The following BBS9 variants were observed in gnomAD, a reference collection of about 807,000 sequenced individuals.
BBS9 encodes Bardet-Biedl syndrome 9.
BBS9 carries 89 observed loss-of-function variants against 117.7 expected under a neutral mutation model. The ratio of observed to expected loss-of-function variants is 0.76; its 90% confidence interval spans 0.64 to 0.90. The LOEUF is 0.90. Ranked by LOEUF, BBS9 falls within the 40% of genes least tolerant of loss-of-function variation. The pLI, the probability that BBS9 is intolerant of heterozygous loss-of-function variation, is 0.00. For synonymous variants in BBS9, 379 were observed against 370.9 expected (o/e 1.02, Z -0.25); for missense variants, 982 against 1,042.2 (o/e 0.94, Z 0.80).
chr7:33,550,278 AT>A (rs568186068), intron 21 of BBS9, among the ~76,000 whole-genome samples: 5 of 151,950 alleles, frequency 3.3e-5, no homozygotes, highest in African/African-American at 1.2e-4. Flanking sequence ...TTAAAGTTTT[AT>A]TTTTTTTGTA....
At chr7:33,155,617 A>G (rs1476540235) in intron 3 of BBS9, 21 bp from the exon 4 acceptor site, 1 of 1,573,010 alleles carries the variant, frequency 6.4e-7, no homozygotes, top group Admixed American at 1.7e-5. Context: ...GAAAACTTTA[A>G]AAACTTTCTC....
chr7:33,482,270 G>A (rs753909910), intron 19 of BBS9, among the ~76,000 whole-genome samples: 9 of 152,186 alleles, frequency 5.9e-5, no homozygotes, highest in Non-Finnish European at 1.2e-4. Context: ...GTGGCAGAGG[G>A]AGGGCCTTCC....
At chr7:33,235,245 TTA>T (rs1793258730) in intron 5 of BBS9, among the ~76,000 whole-genome samples, 1 of 152,162 alleles carries the variant, frequency 6.6e-6, no homozygotes, top group Non-Finnish European at 1.5e-5. Flanking sequence ...CTTTCTTTTT[TTA>T]TGACAGGATT....
rs140152204 is a variant in BBS9 at position 33,383,700 on chromosome 7, T to C, written c.1824T>C (p.Asp608=). The C allele has an allele frequency of 3.7e-6, 6 of 1,610,224 alleles. No individual in the cohort carries two copies. The highest frequency in any genetic ancestry group is 2.2e-5 in the South Asian group (2 of 90,476). The change falls in exon 18 of 23, where the codon GAT becomes GAC. Residue 608 remains aspartate, a synonymous_variant. Coordinates refer to ENST00000242067, the MANE Select transcript of BBS9 (RefSeq NM_198428.3). ...RYRIQSEQFE[D]LWLITNELIL... ...GCATTCAGAGTGAACAATTTGAAGA[T>C]CTTTGGCTCATAACCAATGAGCTTA...
rs180734259 is a variant in BBS9 at position 33,514,681 on chromosome 7, A to C, written c.2298+9036A>C. On this transcript the variant is annotated intron_variant, in intron 20 of 22. Transcript: ENST00000242067. ...CAATAAGATATGCAAATATATATCC[A>C]AATTATGTTGCTTACACAAAGTAAC... 6.7e-3 allele frequency among the ~76,000 whole-genome samples: 1,019 copies of C among 152,338 alleles called. 5 individuals carry two copies. Among genetic ancestry groups the C allele is most frequent in the Non-Finnish European group, 0.012 (801 of 68,030 alleles).
chr7:33,356,711 G>C (rs1333228395), intron 15 of BBS9, among the ~76,000 whole-genome samples: 2 of 151,778 alleles, frequency 1.3e-5, no homozygotes, highest in African/African-American at 4.8e-5. Context: ...GCTTGGATGT[G>C]GAGTAAGACA....
Position 33,383,754 on chromosome 7 carries a change from A to C in BBS9, c.1878A>C (p.Lys626Asn). The change falls in exon 18 of 23, where the codon AAA becomes AAC. Residue 626 changes from lysine to asparagine, a missense_variant. Lys to Asn is a moderately conservative substitution (Grantham distance 94, BLOSUM62 0). Transcript: ENST00000242067. ...TTCGCCTTCAAGAATATTTTGAAAA[A>C]CAGGGAGTCAAAGATTTTGCATGTT... Reference protein sequence around the residue: ...LILRLQEYFEKQGVKDFACSF... With the variant: ...LILRLQEYFENQGVKDFACSF... The C allele has an allele frequency of 6.2e-7, 1 of 1,612,714 alleles. No individual in the cohort carries two copies. Among genetic ancestry groups the C allele is most frequent in the Non-Finnish European group, 8.5e-7 (1 of 1,179,368 alleles).
chr7:33,177,360 T>C, intron 4 of BBS9, 118 bp from the exon 5 acceptor site: 1 of 723,098 alleles, frequency 1.4e-6, no homozygotes, highest in Admixed American at 2.1e-5. Context: ...CATAATATTT[T>C]AGTGCTTTGC....
At chr7:33,185,263 T>G (rs1164865994) in intron 5 of BBS9, among the ~76,000 whole-genome samples, 1 of 152,120 alleles carries the variant, frequency 6.6e-6, no homozygotes, top group Non-Finnish European at 1.5e-5. Flanking sequence ...TGTCTAACCT[T>G]CTGGGAATGC....
At chr7:33,483,010 A>G (rs1842686990) in intron 19 of BBS9, among the ~76,000 whole-genome samples, 1 of 152,230 alleles carries the variant, frequency 6.6e-6, no homozygotes, top group Non-Finnish European at 1.5e-5. Context: ...TAGATTCTGG[A>G]TAGAAATTTT....
At chr7:33,633,510 C>CTTTTTTT (rs894796851) in intron 21 of BBS9, among the ~76,000 whole-genome samples, 42 of 98,396 alleles carry the variant, frequency 4.3e-4, no homozygotes, top group Middle Eastern at 5.7e-3. Context: ...TAACTTTTTT[C>CTTTTTTT]TTTTTTTTTT....
intron 5 of BBS9, among the ~76,000 whole-genome samples, chr7:33,219,357 C>T (rs533577193): frequency 3.9e-5 from 6 of 152,304 alleles, no homozygotes; most frequent in African/African-American, 1.2e-4. Context: ...CTGGGGAGTG[C>T]GGGCACAGGG....
At chr7:33,632,530 C>A (rs1405345935) in intron 21 of BBS9, among the ~76,000 whole-genome samples, 1 of 152,232 alleles carries the variant, frequency 6.6e-6, no homozygotes, top group African/African-American at 2.4e-5. Context: ...CTGCTTCGTT[C>A]TGGTAGACTT....
chr7:33,268,952 C>T (rs1799288340), intron 7 of BBS9, among the ~76,000 whole-genome samples: 1 of 152,152 alleles, frequency 6.6e-6, no homozygotes, highest in Non-Finnish European at 1.5e-5. Context: ...ATGTCCTGTC[C>T]AGTGGAGTCA....
chr7:33,403,572 T>A (rs1387655659), intron 19 of BBS9, among the ~76,000 whole-genome samples: 3 of 150,158 alleles, frequency 2.0e-5, no homozygotes, highest in Non-Finnish European at 4.4e-5. Context: ...GGTGTTTGGT[T>A]TTTTGTCCTT....
At chr7:33,421,179 A>ATTT (rs397962607) in intron 19 of BBS9, among the ~76,000 whole-genome samples, 3 of 146,550 alleles carry the variant, frequency 2.0e-5, no homozygotes, top group African/African-American at 7.5e-5. Context: ...AGGATTTTTA[A>ATTT]TTTTTTTTTT....
At chr7:33,305,130 T>C (rs1220572725) in intron 9 of BBS9, among the ~76,000 whole-genome samples, 4 of 135,432 alleles carry the variant, frequency 3.0e-5, no homozygotes, top group Non-Finnish European at 4.8e-5. Context: ...GAATGATCAA[T>C]AAATATTAAA....
intron 21 of BBS9, among the ~76,000 whole-genome samples, chr7:33,616,371 T>G (rs1301551678): frequency 6.6e-6 from 1 of 150,614 alleles, no homozygotes; most frequent in African/African-American, 2.4e-5. Context: ...TATGAAAAAG[T>G]ATAGTGTTAT....
intron 5 of BBS9, among the ~76,000 whole-genome samples, chr7:33,189,801 G>A (rs527333183): frequency 4.0e-5 from 6 of 150,462 alleles, no homozygotes; most frequent in East Asian, 4.0e-4. Flanking sequence ...CAGGAGAATC[G>A]CTTGAACCCA....
Sources: allele counts gnomAD v4.1 joint callset (sites outside exome capture counted in the v4.1 genomes callset), GRCh38; gene constraint gnomAD v4.1.1; transcripts MANE v1.5; gene names NCBI Gene and HGNC (gene_info 2026-07-23, HGNC 2026-07-21).